ETFA: variants seen among roughly 807,000 people sequenced by gnomAD.
The protein encoded by ETFA is electron transfer flavoprotein subunit alpha, mitochondrial.
ETFA carries 22 observed loss-of-function variants against 46.2 expected under a neutral mutation model. The ratio of observed to expected loss-of-function variants is 0.48; its 90% CI spans 0.34 to 0.68. The LOEUF (loss-of-function observed/expected upper bound fraction) is 0.68. Among genes scored for constraint, ETFA ranks in the 30% least tolerant of loss-of-function variants. ETFA has a pLI of 0.01. For missense variants in ETFA, 345 were observed against 401.1 expected, an observed-to-expected ratio of 0.86 and a Z score of 1.19; for synonymous variants, 131 against 139.9, an observed-to-expected ratio of 0.94 and a Z score of 0.45.
chr15:76,246,871 A>T (rs2039248126), intron 9 of ETFA, among the ~76,000 whole-genome samples: 1 of 151,996 alleles, frequency 6.6e-6, no homozygotes, highest in Admixed American at 6.6e-5. Context: ...TAAAAAGATG[A>T]AGCAAAATTT....
chr15:76,251,133 T>C (rs2039293885), intron 9 of ETFA, among the ~76,000 whole-genome samples: 2 of 152,092 alleles, frequency 1.3e-5, no homozygotes, highest in African/African-American at 4.8e-5. Flanking sequence ...AAGAAGCTGC[T>C]GGGCAGATAA....
chr15:76,260,587 T>C (rs376914006), intron 9 of ETFA: 334,814 of 1,491,352 alleles, frequency 0.22, 982 homozygotes, highest in Non-Finnish European at 0.25. Context: ...GTCCCCTCCA[T>C]TGTCAGCTCA....
chr15:76,292,588 C>T, intron 3 of ETFA, 31 bp downstream of exon 3: 1 of 1,589,058 alleles, frequency 6.3e-7, no homozygotes, highest in Non-Finnish European at 8.6e-7. Context: ...GTAATTTAGA[C>T]ACTACATTTT....
intron 1 of ETFA, among the ~76,000 whole-genome samples, chr15:76,309,750 T>C (rs1278716045): frequency 6.6e-6 from 1 of 152,178 alleles, no homozygotes; most frequent in Non-Finnish European, 1.5e-5. Flanking sequence ...AGAGCAGCAT[T>C]CTTCTGGCTC....
intron 8 of ETFA, among the ~76,000 whole-genome samples, chr15:76,275,057 A>G (rs986661852): frequency 1.3e-5 from 2 of 151,970 alleles, no homozygotes; most frequent in Non-Finnish European, 2.9e-5. Context: ...ACAACTAACA[A>G]CCTCCAAAAA....
intron 9 of ETFA, among the ~76,000 whole-genome samples, chr15:76,271,507 G>A (rs1033384502): frequency 6.6e-6 from 1 of 152,196 alleles, no homozygotes; most frequent in African/African-American, 2.4e-5. Flanking sequence ...AGGTAAGACT[G>A]TGGAACTATT....
At chr15:76,234,914 TA>T (rs1359679208) in intron 9 of ETFA, among the ~76,000 whole-genome samples, 2 of 152,224 alleles carry the variant, frequency 1.3e-5, no homozygotes, top group Non-Finnish European at 2.9e-5. Context: ...GGCTGAGGTC[TA>T]AACTAGTTAC....
chr15:76,257,983 C>T (rs1360609403), intron 9 of ETFA, among the ~76,000 whole-genome samples: 1 of 128,006 alleles, frequency 7.8e-6, no homozygotes, highest in Admixed American at 1.0e-4. Context: ...AACACATGGA[C>T]ACAGGAAGGG....
intron 5 of ETFA, among the ~76,000 whole-genome samples, chr15:76,286,743 T>G (rs371377778): frequency 2.0e-5 from 3 of 152,148 alleles, no homozygotes; most frequent in East Asian, 1.9e-4. Context: ...GCATCCACAC[T>G]AAGAAGGTAC....
chr15:76,295,295 T>G (rs1277190748), intron 2 of ETFA, among the ~76,000 whole-genome samples: 14 of 152,202 alleles, frequency 9.2e-5, no homozygotes, highest in Admixed American at 8.5e-4. Context: ...AAAAAAGAGA[T>G]CAGCTATTAA....
chr15:76,271,888 C>T (rs982809075), intron 9 of ETFA, among the ~76,000 whole-genome samples: 1 of 146,988 alleles, frequency 6.8e-6, no homozygotes, highest in Non-Finnish European at 1.5e-5. Flanking sequence ...TGTATATGCA[C>T]ATATATGCGT....
At chr15:76,236,970 G>T (rs1310735164) in intron 9 of ETFA, among the ~76,000 whole-genome samples, 2 of 152,126 alleles carry the variant, frequency 1.3e-5, no homozygotes, top group Non-Finnish European at 2.9e-5. Flanking sequence ...AAATTAAAAT[G>T]GAAATTTAAA....
chr15:76,257,957 G>A (rs561118309), intron 9 of ETFA, among the ~76,000 whole-genome samples: 34 of 143,902 alleles, frequency 2.4e-4, no homozygotes, highest in African/African-American at 8.5e-4. Context: ...CTCATAGGTG[G>A]GAATCAAACA....
At chr15:76,279,889 T>G (rs978075617) in intron 8 of ETFA, among the ~76,000 whole-genome samples, 11 of 151,944 alleles carry the variant, frequency 7.2e-5, no homozygotes, top group African/African-American at 1.5e-4. Flanking sequence ...TCCTGAGTTT[T>G]TTTTTTTTTT....
intron 9 of ETFA, among the ~76,000 whole-genome samples, chr15:76,235,994 C>G (rs970754830): frequency 1.8e-4 from 28 of 152,182 alleles, no homozygotes; most frequent in African/African-American, 6.5e-4. Flanking sequence ...AATCTTCAGA[C>G]TTTTACAGAA....
intron 1 of ETFA, among the ~76,000 whole-genome samples, chr15:76,303,029 G>T (rs891203603): frequency 3.9e-5 from 6 of 152,108 alleles, no homozygotes; most frequent in African/African-American, 1.4e-4. Context: ...CTTCTGCCAG[G>T]TGCAGTGGCT....
intron 1 of ETFA, among the ~76,000 whole-genome samples, chr15:76,306,284 T>TTTTTTTTTTA (rs1264546936): frequency 7.4e-6 from 1 of 135,592 alleles, no homozygotes; most frequent in African/African-American, 2.9e-5. Context: ...TTTTTTTTTT[T>TTTTTTTTTTA]GAGACAGAGT....
At chr15:76,298,341 C>G (rs2039847277) in intron 1 of ETFA, among the ~76,000 whole-genome samples, 1 of 152,106 alleles carries the variant, frequency 6.6e-6, no homozygotes, top group Non-Finnish European at 1.5e-5. Flanking sequence ...TCGCACCTAG[C>G]CAAGATTAGA....
At chr15:76,302,548 G>C (rs1014068650) in intron 1 of ETFA, among the ~76,000 whole-genome samples, 3 of 150,262 alleles carry the variant, frequency 2.0e-5, no homozygotes, top group Non-Finnish European at 3.0e-5. Context: ...TTTCCAGGGG[G>C]AGTGGGGGCG....
Sources: allele counts gnomAD v4.1 joint callset (sites outside exome capture counted in the v4.1 genomes callset), GRCh38; gene constraint gnomAD v4.1.1; transcripts MANE v1.5; gene names NCBI Gene and HGNC (gene_info 2026-07-23, HGNC 2026-07-21).